STK16: variants seen among roughly 807,000 people sequenced by gnomAD.
STK16 encodes the protein serine/threonine-protein kinase 16.
A neutral mutation model predicts 37.8 loss-of-function variants in STK16; 28 were observed. That is an observed-to-expected ratio of 0.74 (90% CI 0.55 to 1.02). The LOEUF (loss-of-function observed/expected upper bound fraction) is 1.02. STK16 is among the 50% of genes least tolerant of loss of function. The pLI is 0.00. For synonymous variants in STK16, 134 were observed against 155.0 expected (o/e 0.86, Z 1.01); for missense variants, 349 against 390.6 (o/e 0.89, Z 0.90).
Position 219,246,462 on chromosome 2 carries a change from A to G in STK16, c.87-195A>G. 1 of 649,460 alleles carries G rather than the reference A, an allele frequency of 1.5e-6. No homozygotes were observed. 40.2% of individuals were successfully genotyped at this position (649,460 alleles called of 1,614,324 possible). ...GTGCAGAGGTCTCTATTACGACCAT[A>G]GGACCTCAAAGATTTCTATATCTCT... On this transcript the variant is annotated intron_variant, in intron 2 of 7. Transcript: ENST00000396738. The surrounding 1 kb of genome is among the most constrained non-coding windows in gnomAD (Gnocchi z 4.5).
chr2:219,246,158 G>C lies in STK16; in HGVS notation c.86+73G>C. ...GAAGGACAGCGGTGTGCATATGCTT[G>C]GGGCACAAGGGTTTTATCCCTATCC... On this transcript the variant is annotated intron_variant, in intron 2 of 7. Coordinates refer to ENST00000396738, the MANE Select transcript of STK16 (RefSeq NM_001330213.2). The surrounding 1 kb of genome is among the most constrained non-coding windows in gnomAD (Gnocchi z 4.5). 7.6e-7 allele frequency: 1 copy of C among 1,319,032 alleles called. No homozygotes were observed. The allele number at this position is 1,319,032 out of a possible 1,614,324, so 81.7% of individuals were successfully genotyped here.
At chr2:219,248,170 G>A (rs1484575243) in intron 6 of STK16, 23 bp from the exon 7 acceptor site, 1 of 1,613,654 alleles carries the variant, frequency 6.2e-7, no homozygotes, top group South Asian at 1.1e-5. Context: ...TCCCCTTCTA[G>A]GGACTAATCA....
chr2:219,247,940 A>G (rs760265715), intron 6 of STK16, 183 bp downstream of exon 6: 2 of 818,596 alleles, frequency 2.4e-6, no homozygotes, highest in South Asian at 1.4e-5. Flanking sequence ...CGGATGTGGT[A>G]TAATCTGTGC....
At chr2:219,247,947 G>A (rs1054676563) in intron 6 of STK16, 190 bp downstream of exon 6, 2 of 815,816 alleles carry the variant, frequency 2.5e-6, no homozygotes, top group African/African-American at 1.7e-5. Context: ...GGTATAATCT[G>A]TGCCCCTGAA....
Position 219,246,877 on chromosome 2 carries a change from G to T in STK16, c.306+1G>T. On this transcript the variant is annotated splice_donor_variant, in intron 3 of 7. Coordinates refer to ENST00000396738, the MANE Select transcript of STK16 (RefSeq NM_001330213.2). LOFTEE classifies it high-confidence loss of function. The surrounding 1 kb of genome is among the most constrained non-coding windows in gnomAD (Gnocchi z 4.5). ...CTGGCTGCTGCTACCATTCTTCAAG[G>T]TCAGAAAGACTCCTGGTTATGGAGG... 6.2e-7 allele frequency: 1 copy of T among 1,606,588 alleles called. No homozygotes were observed. Among genetic ancestry groups the T allele is most frequent in the Non-Finnish European group, 8.5e-7 (1 of 1,174,380 alleles).
At position 219,247,246 on chromosome 2, in the gene STK16, G is replaced by A. The variant is rs368750460; in HGVS notation, c.440G>A (p.Arg147Lys). The change falls in exon 4 of 8, where the codon AGA (arginine) becomes AAA (lysine). Residue 147 changes from arginine (R) to lysine (K), a missense_variant and splice_region_variant. Arg to Lys is a conservative substitution (Grantham distance 26). Coordinates refer to ENST00000396738, the MANE Select transcript of STK16 (RefSeq NM_001330213.2). ...ATTCATGCCAAGGGTTATGCCCACAGGTCAGTGGGAGGACCCTGTGTGCTT... is the reference window on the plus strand; with the variant it reads ...ATTCATGCCAAGGGTTATGCCCACAAGTCAGTGGGAGGACCCTGTGTGCTT... The part of the protein sequence containing the change: ...EAIHAKGYAH[R>K]DLKPTNILLG... The A allele has an allele frequency of 6.2e-7, 1 of 1,614,084 alleles. No individual in the cohort carries two copies. Among genetic ancestry groups the A allele is most frequent in the Non-Finnish European group, 8.5e-7 (1 of 1,180,038 alleles).
Position 219,245,905 on chromosome 2 carries a change from C to G in STK16, c.-95C>G. On this transcript the variant is annotated 5_prime_UTR_variant, in exon 2 of 8. Transcript: ENST00000396738. ...GTTGTTTTCTTTCCAGCATGATCCGCTGGGCCCCCAGCGCATCTCCTGGAA... is the reference window on the plus strand; with the variant it reads ...GTTGTTTTCTTTCCAGCATGATCCGGTGGGCCCCCAGCGCATCTCCTGGAA... 1 of 962,920 alleles carries G rather than the reference C, an allele frequency of 1.0e-6. No homozygotes were observed. Among genetic ancestry groups the G allele is most frequent in the Non-Finnish European group, 1.6e-6 (1 of 621,584 alleles). 59.6% of individuals were successfully genotyped at this position (962,920 alleles called of 1,614,324 possible). A position where few individuals can be genotyped will look rare whatever the true frequency, so the allele number is the denominator to read the frequency against.
Position 219,246,748 on chromosome 2 carries a change from G to A in STK16, c.178G>A (p.Glu60Lys). 1.2e-6 allele frequency: 2 copies of A among 1,614,244 alleles called. No individual in the cohort carries two copies. The highest frequency in any genetic ancestry group is 1.7e-6 in the Non-Finnish European group (2 of 1,180,040). ...RILCHEQQDR[E>K]EAQREADMHR... ...CCTGTGTCACGAGCAGCAGGACCGG[G>A]AGGAGGCCCAGCGAGAAGCCGACAT... The change falls in exon 3 of 8, where the codon GAG becomes AAG. Residue 60 changes from glutamate to lysine, a missense_variant. Transcript: ENST00000396738. This position sits in a 1 kb window ranked among gnomAD's most constrained non-coding sequence, Gnocchi z 4.5.
Position 219,245,713 on chromosome 2 carries a change from GCTGT to G in STK16, c.-187_-184del, listed in dbSNP as rs1423874690. ...GGTTGGAGGAAGTGGCCCGGTAGCCGCTGTGTGTCCTGAGGCCGTAAGGCGCCTG... is the reference window on the plus strand; with the variant it reads ...GGTTGGAGGAAGTGGCCCGGTAGCCGGTGTCCTGAGGCCGTAAGGCGCCTG... On this transcript the variant is annotated 5_prime_UTR_variant, in exon 1 of 8. It removes the in-frame stop codon of an upstream open reading frame in the 5' UTR. Coordinates refer to ENST00000396738, the MANE Select transcript of STK16 (RefSeq NM_001330213.2). The G allele has an allele frequency of 1.2e-4, 30 of 244,102 alleles. No individual in the cohort carries two copies. Among genetic ancestry groups the G allele is most frequent in the Non-Finnish European group, 2.2e-4 (27 of 124,994 alleles). 15.1% of individuals were successfully genotyped at this position (244,102 alleles called of 1,614,324 possible).
intron 6 of STK16, 70 bp downstream of exon 6, chr2:219,247,827 G>T (rs886706899): frequency 6.8e-7 from 1 of 1,469,238 alleles, no homozygotes; most frequent in African/African-American, 1.4e-5. Context: ...GAGTAGAGTA[G>T]GTTGTTGGTT....
chr2:219,250,090 C>A lies in STK16; in HGVS notation c.*1531C>A. On this transcript the variant is annotated 3_prime_UTR_variant, in exon 8 of 8. Transcript: ENST00000396738. This position sits in a 1 kb window ranked among gnomAD's most constrained non-coding sequence, Gnocchi z 8.4. ...GTGCCTGGATTTTGGTCCTCATTTC[C>A]TCCCTATACTGAGTAACCCTAGGAC... 1 of 466,802 alleles carries A rather than the reference C, an allele frequency of 2.1e-6. No homozygotes were observed. Among genetic ancestry groups the A allele is most frequent in the Non-Finnish European group, 3.8e-6 (1 of 262,774 alleles). The allele number at this position is 466,802 out of a possible 1,614,324, so 28.9% of individuals were successfully genotyped here.
intron 3 of STK16, 108 bp from the exon 4 acceptor site, chr2:219,247,005 A>C (rs543764276): frequency 2.8e-5 from 43 of 1,550,564 alleles, no homozygotes; most frequent in Non-Finnish European, 3.7e-5. Context: ...TTTGAGTTTG[A>C]GGTGTGTATC....
Position 219,250,022 on chromosome 2 carries a change from C to T in STK16, c.*1463C>T, listed in dbSNP as rs1951618392. Reference sequence around the variant, plus strand: ...CAAAGACAGAAACCACTGGATTATACTCCTACTTGGAAAGGAGCTGAAGAC... The same window carrying T: ...CAAAGACAGAAACCACTGGATTATATTCCTACTTGGAAAGGAGCTGAAGAC... On this transcript the variant is annotated 3_prime_UTR_variant, in exon 8 of 8. Coordinates refer to ENST00000396738, the MANE Select transcript of STK16 (RefSeq NM_001330213.2). The surrounding 1 kb of genome is among the most constrained non-coding windows in gnomAD (Gnocchi z 8.4). 3 of 275,878 alleles carry T rather than the reference C, an allele frequency of 1.1e-5. No homozygotes were observed. Among genetic ancestry groups the T allele is most frequent in the East Asian group, 7.8e-5 (1 of 12,790 alleles). 17.1% of individuals were successfully genotyped at this position (275,878 alleles called of 1,614,324 possible).
Position 219,248,595 on chromosome 2 carries a change from T to G in STK16, c.*36T>G. 6.4e-7 allele frequency: 1 copy of G among 1,574,504 alleles called. No individual in the cohort carries two copies. The highest frequency in any genetic ancestry group is 8.6e-7 in the Non-Finnish European group (1 of 1,159,160). On this transcript the variant is annotated 3_prime_UTR_variant, in exon 8 of 8. Transcript: ENST00000396738. ...TGTTGAGAAGATGGCCCCTTGTGCC[T>G]TGGAAAGAGGTTCCCATCCCTCATT...
chr2:219,247,580 C>T (rs974421558), intron 5 of STK16, 45 bp downstream of exon 5: 5 of 1,614,080 alleles, frequency 3.1e-6, no homozygotes, highest in Non-Finnish European at 4.2e-6. Context: ...TCCCCATTCC[C>T]ACCCCTTCTG....
At position 219,248,570 on chromosome 2, in the gene STK16, T is replaced by A; in HGVS notation, c.*11T>A. 2 of 1,599,886 alleles carry A rather than the reference T, an allele frequency of 1.3e-6. No individual in the cohort carries two copies. Among genetic ancestry groups the A allele is most frequent in the Non-Finnish European group, 1.7e-6 (2 of 1,172,488 alleles). ...ACTACCCAAATCTGAAAAAGCAGCA[T>A]GTTGAGAAGATGGCCCCTTGTGCCT... is the stretch of plus-strand genomic sequence containing the variant. On this transcript the variant is annotated 3_prime_UTR_variant, in exon 8 of 8. Transcript: ENST00000396738.
In STK16 at chr2:219,246,769, G is replaced by A. The variant is rs1224400397; in HGVS notation, c.199G>A (p.Asp67Asn). Reference sequence around the variant, plus strand: ...CCGGGAGGAGGCCCAGCGAGAAGCCGACATGCATCGCCTCTTCAATCACCC... The same window carrying A: ...CCGGGAGGAGGCCCAGCGAGAAGCCAACATGCATCGCCTCTTCAATCACCC... ...QDREEAQREADMHRLFNHPNI... is the reference protein window; with the variant it reads ...QDREEAQREANMHRLFNHPNI... Residue 67 changes from aspartate (D) to asparagine (N), a missense_variant, in exon 3 of 8, where the codon GAC becomes AAC. Transcript: ENST00000396738. This position sits in a 1 kb window ranked among gnomAD's most constrained non-coding sequence, Gnocchi z 4.5. 6.2e-7 allele frequency: 1 copy of A among 1,614,220 alleles called. No individual in the cohort carries two copies. Among genetic ancestry groups the A allele is most frequent in the Non-Finnish European group, 8.5e-7 (1 of 1,180,042 alleles).
Position 219,246,354 on chromosome 2 carries a change from TA to T in STK16, c.86+271del. Reference sequence around the variant, plus strand: ...ATGGAGTTGTGAGGATTAAATGAGATAATGTGTATAAAATGTCTCACCCAAT... The same window carrying T: ...ATGGAGTTGTGAGGATTAAATGAGATATGTGTATAAAATGTCTCACCCAAT... On this transcript the variant is annotated intron_variant, in intron 2 of 7. Coordinates refer to ENST00000396738, the MANE Select transcript of STK16 (RefSeq NM_001330213.2). This position sits in a 1 kb window ranked among gnomAD's most constrained non-coding sequence, Gnocchi z 4.5. 1 of 606,804 alleles carries T rather than the reference TA, an allele frequency of 1.6e-6. No individual in the cohort carries two copies. The allele number at this position is 606,804 out of a possible 1,614,324, so 37.6% of individuals were successfully genotyped here.
At position 219,247,094 on chromosome 2, in the gene STK16, A is replaced by T; in HGVS notation, c.307-19A>T. ...AGGCTCCAAAAACATCTCCAACTGT[A>T]GGGAAACTTGTGTTGCAGAGAGGTA... On this transcript the variant is annotated intron_variant, in intron 3 of 7. Transcript: ENST00000396738. The T allele has an allele frequency of 1.9e-6, 3 of 1,614,144 alleles. No homozygotes were observed. Among genetic ancestry groups the T allele is most frequent in the Non-Finnish European group, 2.5e-6 (3 of 1,179,978 alleles).
Sources: allele counts gnomAD v4.1 joint callset, GRCh38; gene constraint gnomAD v4.1.1; non-coding constraint Gnocchi (gnomAD v3.1); transcripts MANE v1.5; gene names NCBI Gene and HGNC (gene_info 2026-07-23, HGNC 2026-07-21).